UGGT2: variants seen among roughly 807,000 people sequenced by gnomAD.
UGGT2 encodes UDP-glucose glycoprotein glucosyltransferase 2.
In UGGT2, 180 loss-of-function variants were observed where a neutral mutation model predicts 192.1. The ratio of observed to expected loss-of-function variants is 0.94; its 90% CI spans 0.83 to 1.06. The LOEUF (loss-of-function observed/expected upper bound fraction) is 1.06. Ranked by LOEUF, UGGT2 falls within the 50% of genes least tolerant of loss-of-function variation. The probability of loss-of-function intolerance (pLI) is 0.00; values close to 1 mark genes in which losing one functional copy is unlikely to be tolerated. For missense variants in UGGT2, 1,849 were observed against 1,795.7 expected (o/e 1.03, Z -0.54); for synonymous variants, 580 against 591.0 (o/e 0.98, Z 0.27).
rs1016321481 is a variant in UGGT2, at chr13:95,935,297, T to C, written c.1977+1627A>G. Among the ~76,000 whole-genome samples the C allele has an allele frequency of 3.3e-4, 50 of 152,348 alleles. 1 individual carries two copies. Among genetic ancestry groups the C allele is most frequent in the South Asian group, 4.1e-4 (2 of 4,824 alleles). On this transcript the variant is annotated intron_variant, in intron 17 of 38. Coordinates refer to ENST00000376747, the MANE Select transcript of UGGT2 (RefSeq NM_020121.4). ...GATGCTTTATAGGGTCTGTGGGCTATGTACTTAAGTGTGTTTTTGTACCAT... is the reference window on the plus strand; with the variant it reads ...GATGCTTTATAGGGTCTGTGGGCTACGTACTTAAGTGTGTTTTTGTACCAT...
intron 19 of UGGT2, 82 bp downstream of exon 19, chr13:95,926,946 A>C (rs1171862014): frequency 5.4e-6 from 7 of 1,306,070 alleles, no homozygotes; most frequent in Non-Finnish European, 7.3e-6. Flanking sequence ...GCAACATATT[A>C]AAATTTATTA....
chr13:95,888,794 T>A (rs1196618174), intron 25 of UGGT2, among the ~76,000 whole-genome samples: 1 of 151,782 alleles, frequency 6.6e-6, no homozygotes, highest in East Asian at 1.9e-4. Flanking sequence ...TGCAATTCCA[T>A]ATTTTATATC....
intron 29 of UGGT2, among the ~76,000 whole-genome samples, chr13:95,871,080 A>C (rs1386632043): frequency 6.6e-6 from 1 of 152,236 alleles, no homozygotes; most frequent in Non-Finnish European, 1.5e-5. Flanking sequence ...CCATCTAAAC[A>C]AAAAATGAAT....
At position 95,909,310 on chromosome 13, in the gene UGGT2, T is replaced by C. The variant is rs1458636308; in HGVS notation, c.2296-6250A>G. On this transcript the variant is annotated intron_variant, in intron 20 of 38. Transcript: ENST00000376747. The stretch of plus-strand genomic sequence containing the variant: ...ATAAAGACACACGCACACGTATGTT[T>C]ATTGCGGCATTATTCACAATAGCAA... Among the ~76,000 whole-genome samples the C allele has an allele frequency of 2.0e-5, 3 of 152,022 alleles. No homozygotes were observed. In the East Asian group the frequency reaches 5.8e-4, roughly 29 times the overall value.
At chr13:95,848,897 T>G (rs1018560452) in intron 36 of UGGT2, among the ~76,000 whole-genome samples, 1 of 152,220 alleles carries the variant, frequency 6.6e-6, no homozygotes, top group Non-Finnish European at 1.5e-5. Flanking sequence ...CAATTTAGTC[T>G]TCCTATCCAT....
chr13:95,823,855 G>GT (rs926577717), intron 38 of UGGT2, among the ~76,000 whole-genome samples: 1 of 151,952 alleles, frequency 6.6e-6, no homozygotes, highest in Non-Finnish European at 1.5e-5. Flanking sequence ...GGCTCTGTGA[G>GT]TTTTTTATTT....
chr13:95,966,852 C>T (rs1384026436), intron 12 of UGGT2, among the ~76,000 whole-genome samples: 1 of 152,168 alleles, frequency 6.6e-6, no homozygotes, highest in Non-Finnish European at 1.5e-5. Flanking sequence ...ATATTTCCTT[C>T]TGATCTTCTG....
intron 38 of UGGT2, among the ~76,000 whole-genome samples, chr13:95,825,885 TC>T (rs1419379971): frequency 6.6e-6 from 1 of 152,080 alleles, no homozygotes; most frequent in Non-Finnish European, 1.5e-5. Context: ...GTGGTGCTCT[TC>T]CCCTTCTCCT....
In UGGT2 at chr13:96,015,045, G is replaced by A. The variant is rs376823749; in HGVS notation, c.486-1564C>T. Among the ~76,000 whole-genome samples, 53 of 152,180 alleles carry A rather than the reference G, an allele frequency of 3.5e-4. 1 individual carries two copies. In the Middle Eastern group the frequency reaches 0.024, roughly 68 times the overall value. ...TGAAATCCCAGCACTTTGGGAGGCC[G>A]AGGTGGGCGGATCATGAGGTCAGGA... On this transcript the variant is annotated intron_variant, in intron 4 of 38. Transcript: ENST00000376747.
intron 20 of UGGT2, among the ~76,000 whole-genome samples, chr13:95,905,178 T>C (rs973434642): frequency 6.6e-6 from 1 of 152,102 alleles, no homozygotes; most frequent in Admixed American, 6.5e-5. Flanking sequence ...TTGCATTCAT[T>C]GTAGATTCTG....
At chr13:95,927,860 G>GATGACTCTT (rs2049081287) in intron 17 of UGGT2, among the ~76,000 whole-genome samples, 4 of 152,088 alleles carry the variant, frequency 2.6e-5, no homozygotes, top group Non-Finnish European at 5.9e-5. Context: ...CGGGAGTGGT[G>GATGACTCTT]ATGACTCTTA....
At position 95,853,691 on chromosome 13, in the gene UGGT2, T is replaced by C. The variant is rs1566591748; in HGVS notation, c.4170-34A>G. On this transcript the variant is annotated intron_variant, in intron 35 of 38. Transcript: ENST00000376747. ...ATGAATTACTTCTTGATAGCCTATG[T>C]TGTTTATGTAGTTTTAGTTTTACTT... 1.3e-5 allele frequency: 19 copies of C among 1,464,562 alleles called. No homozygotes were observed. The East Asian group carries it at 4.5e-4, about 35-fold the overall frequency. The allele number at this position is 1,464,562 out of a possible 1,614,324, so 90.7% of individuals were successfully genotyped here. A position where few individuals can be genotyped will look rare whatever the true frequency, so the allele number is the denominator to read the frequency against.
At chr13:95,919,455 T>C (rs1417749387) in intron 20 of UGGT2, among the ~76,000 whole-genome samples, 1 of 152,210 alleles carries the variant, frequency 6.6e-6, no homozygotes, top group Non-Finnish European at 1.5e-5. Flanking sequence ...CATGATCTTA[T>C]ATCTAGAAAA....
intron 22 of UGGT2, among the ~76,000 whole-genome samples, chr13:95,899,020 ATGAT>A (rs2140274505): frequency 6.6e-6 from 1 of 152,264 alleles, no homozygotes; most frequent in African/African-American, 2.4e-5. Flanking sequence ...CCTTTGGGAG[ATGAT>A]TAAGCCACGA....
intron 1 of UGGT2, among the ~76,000 whole-genome samples, chr13:96,036,533 C>T (rs2053008603): frequency 6.6e-6 from 1 of 151,946 alleles, no homozygotes; most frequent in Admixed American, 6.6e-5. Context: ...CCTGCACATC[C>T]TGCATGTGTA....
At chr13:95,904,638 T>A (rs1398382970) in intron 20 of UGGT2, among the ~76,000 whole-genome samples, 1 of 152,158 alleles carries the variant, frequency 6.6e-6, no homozygotes, top group Non-Finnish European at 1.5e-5. Flanking sequence ...TCATTTTTTA[T>A]GGCTGCATAG....
chr13:96,029,460 A>T (rs2052766145), intron 2 of UGGT2, among the ~76,000 whole-genome samples: 1 of 151,386 alleles, frequency 6.6e-6, no homozygotes, highest in Non-Finnish European at 1.5e-5. Context: ...TAATTTGTGT[A>T]TTTTCAGTAG....
chr13:95,814,236 G>T (rs1884710157), intron 38 of UGGT2, among the ~76,000 whole-genome samples: 1 of 152,198 alleles, frequency 6.6e-6, no homozygotes, highest in South Asian at 2.1e-4. Flanking sequence ...CTGGCAGCTT[G>T]CACCTTCAGT....
chr13:96,052,810 T>G (rs770332788), intron 1 of UGGT2, among the ~76,000 whole-genome samples: 19 of 152,240 alleles, frequency 1.2e-4, no homozygotes, highest in Non-Finnish European at 2.1e-4. Flanking sequence ...AACTAGGTAC[T>G]TTAAGCACTG....
Sources: gnomAD v4.1 joint callset for allele counts (sites outside exome capture counted in the v4.1 genomes callset) on GRCh38, gnomAD v4.1.1 for gene constraint, MANE v1.5 for transcripts, NCBI Gene and HGNC (gene_info 2026-07-23, HGNC 2026-07-21) for gene names.